Variants in GRM7 observed in about 807,000 individuals in gnomAD.
GRM7 encodes metabotropic glutamate receptor 7.
In GRM7, 35 loss-of-function variants were observed where a neutral mutation model predicts 84.5. That is an observed-to-expected ratio of 0.41 (90% CI 0.32 to 0.55). The LOEUF (loss-of-function observed/expected upper bound fraction) is 0.55, where lower values mean the gene tolerates loss of function less well. Ranked by LOEUF, GRM7 falls within the 20% of genes least tolerant of loss-of-function variation. The pLI, the probability that GRM7 is intolerant of heterozygous loss-of-function variation, is 0.19. For missense variants in GRM7, 1,003 were observed against 1,194.6 expected, an observed-to-expected ratio of 0.84 and a Z score of 2.36; for synonymous variants, 487 against 455.1, an observed-to-expected ratio of 1.07 and a Z score of -0.89.
chr3:6,952,097 A>C (rs1313239527), intron 1 of GRM7, among the ~76,000 whole-genome samples: 2 of 152,096 alleles, frequency 1.3e-5, no homozygotes, highest in African/African-American at 4.8e-5. Context: ...TCAGATTTCA[A>C]ATATTCTTGA....
chr3:7,055,477 CTGTGTGTGTG>C (rs148298277), intron 1 of GRM7, among the ~76,000 whole-genome samples: 7 of 143,586 alleles, frequency 4.9e-5, no homozygotes, highest in South Asian at 2.3e-4. Context: ...TTTTATATAT[CTGTGTGTGTG>C]TGTGTGTGTG....
At chr3:7,362,088 C>G (rs116708332) in intron 4 of GRM7, among the ~76,000 whole-genome samples, 1 of 152,118 alleles carries the variant, frequency 6.6e-6, no homozygotes, top group African/African-American at 2.4e-5. Context: ...TCATAGTGAC[C>G]TGGGAAATGA....
chr3:7,072,212 C>T (rs1697908421), intron 1 of GRM7, among the ~76,000 whole-genome samples: 1 of 152,076 alleles, frequency 6.6e-6, no homozygotes, highest in East Asian at 1.9e-4. Context: ...CCCTTCCCCT[C>T]ACGATCCATT....
chr3:7,368,766 TCC>T (rs1480292330), intron 4 of GRM7, among the ~76,000 whole-genome samples: 1 of 152,128 alleles, frequency 6.6e-6, no homozygotes, highest in East Asian at 1.9e-4. Context: ...GGTATAGTAG[TCC>T]CTTAATCTCC....
At position 7,257,979 on chromosome 3, in the gene GRM7, A is replaced by G. The variant is rs9818491; in HGVS notation, c.737-40705A>G. Among the ~76,000 whole-genome samples the G allele has an allele frequency of 2.4e-3, 370 of 152,270 alleles. 1 individual carries two copies. The highest frequency in any genetic ancestry group is 8.6e-3 in the African/African-American group (356 of 41,558). ...TTTTGATTGATTGAGCCATCCATGC[A>G]TGGGCCACAAGGCTAAGCACTTATT... On this transcript the variant is annotated intron_variant, in intron 2 of 9. Transcript: ENST00000357716.
At chr3:7,055,831 T>C (rs919688651) in intron 1 of GRM7, among the ~76,000 whole-genome samples, 2 of 151,876 alleles carry the variant, frequency 1.3e-5, no homozygotes, top group Admixed American at 1.3e-4. Flanking sequence ...TAAAGACAAA[T>C]ATTTTAAATA....
intron 2 of GRM7, among the ~76,000 whole-genome samples, chr3:7,168,856 A>G (rs960458142): frequency 2.0e-5 from 3 of 152,136 alleles, no homozygotes; most frequent in Non-Finnish European, 2.9e-5. Flanking sequence ...CTTGATATTC[A>G]CCATATAGAG....
At chr3:7,181,852 C>T (rs1408811160) in intron 2 of GRM7, among the ~76,000 whole-genome samples, 1 of 152,074 alleles carries the variant, frequency 6.6e-6, no homozygotes, top group Admixed American at 6.6e-5. Flanking sequence ...CTCAAGCGAT[C>T]CTCCCTCCTT....
At chr3:6,932,313 G>A (rs1444157738) in intron 1 of GRM7, among the ~76,000 whole-genome samples, 1 of 152,066 alleles carries the variant, frequency 6.6e-6, no homozygotes. Context: ...ATCCTGCTTT[G>A]TACTTGATAT....
intron 1 of GRM7, among the ~76,000 whole-genome samples, chr3:6,866,876 C>A (rs536488080): frequency 2.3e-4 from 35 of 152,312 alleles, no homozygotes; most frequent in Non-Finnish European, 2.9e-5. Context: ...CAATTAGAAT[C>A]TTCCCCAAGA....
rs1695121841 is a variant in GRM7, at chr3:7,579,243, T to A, written c.2337T>A (p.Gly779=). 1.9e-6 allele frequency: 3 copies of A among 1,612,114 alleles called. No homozygotes were observed. Among genetic ancestry groups the A allele is most frequent in the Non-Finnish European group, 1.7e-6 (2 of 1,178,280 alleles). The part of the protein sequence containing the change: ...TCTVYAIKTR[G]VPENFNEAKP... ...CTGTGTATGCCATCAAGACTCGGGG[T>A]GTACCCGAGAATTTTAACGAAGCCA... The change falls in exon 8 of 10, where the codon GGT becomes GGA. Residue 779 remains glycine (G), a synonymous_variant. Transcript: ENST00000357716.
chr3:7,065,128 A>C (rs1187904073), intron 1 of GRM7, among the ~76,000 whole-genome samples: 2 of 151,040 alleles, frequency 1.3e-5, no homozygotes, highest in African/African-American at 4.9e-5. Context: ...ATTTTCTCCA[A>C]CTCTGTGGGT....
At chr3:7,041,869 G>T (rs755599839) in intron 1 of GRM7, among the ~76,000 whole-genome samples, 2 of 152,204 alleles carry the variant, frequency 1.3e-5, no homozygotes, top group African/African-American at 4.8e-5. Flanking sequence ...CCTCTAAGGA[G>T]GGGCAAGGGG....
At chr3:7,358,732 A>AGCC (rs1693519775) in intron 4 of GRM7, among the ~76,000 whole-genome samples, 3 of 125,048 alleles carry the variant, frequency 2.4e-5, no homozygotes, top group Non-Finnish European at 5.1e-5. Flanking sequence ...TCTTTTGAAT[A>AGCC]CATATTATTT....
At chr3:7,686,402 G>A in intron 9 of GRM7, 1 of 1,561,120 alleles carries the variant, frequency 6.4e-7, no homozygotes, top group Non-Finnish European at 8.8e-7. Context: ...TCTGTTACTT[G>A]GTACACTATC....
rs546116810 is a variant in GRM7, at chr3:7,358,421, G to A, written c.1033+51769G>A. 6.4e-5 allele frequency among the ~76,000 whole-genome samples: 8 copies of A among 125,518 alleles called. 1 individual carries two copies. Among genetic ancestry groups the A allele is most frequent in the East Asian group, 3.9e-4 (2 of 5,146 alleles). The allele number at this position is 125,518 out of a possible 152,430, so 82.3% of individuals were successfully genotyped here. A position where few individuals can be genotyped will look rare whatever the true frequency, so the allele number is the denominator to read the frequency against. ...TTCATAAAAGTTGACAAAATTAAACGGTCATGTGAACCAGAATTTCCTAAT... is the reference window on the plus strand; with the variant it reads ...TTCATAAAAGTTGACAAAATTAAACAGTCATGTGAACCAGAATTTCCTAAT... On this transcript the variant is annotated intron_variant, in intron 4 of 9. Transcript: ENST00000357716.
At chr3:7,178,440 C>T (rs947000241) in intron 2 of GRM7, among the ~76,000 whole-genome samples, 11 of 152,026 alleles carry the variant, frequency 7.2e-5, no homozygotes, top group African/African-American at 2.7e-4. Context: ...AAACACTTGG[C>T]ATCCATGTAG....
At chr3:6,909,014 A>T (rs1431195154) in intron 1 of GRM7, among the ~76,000 whole-genome samples, 1 of 152,158 alleles carries the variant, frequency 6.6e-6, no homozygotes, top group Admixed American at 6.6e-5. Flanking sequence ...TCCATGTTGC[A>T]CGTATGTCCA....
chr3:7,708,031 G>A (rs1421760125), intron 9 of GRM7, among the ~76,000 whole-genome samples: 1 of 149,010 alleles, frequency 6.7e-6, no homozygotes. Flanking sequence ...TTATAAAATT[G>A]GGAATATCAT....
Sources: allele counts gnomAD v4.1 joint callset (sites outside exome capture counted in the v4.1 genomes callset), GRCh38; gene constraint gnomAD v4.1.1; transcripts MANE v1.5; gene names NCBI Gene and HGNC (gene_info 2026-07-23, HGNC 2026-07-21).